WRN: variants seen among roughly 807,000 people sequenced by gnomAD.
WRN encodes WRN RecQ like helicase, also known as bifunctional 3'-5' exonuclease/ATP-dependent helicase WRN.
WRN carries 149 observed loss-of-function variants against 180.7 expected under a neutral mutation model. The observed-to-expected ratio is 0.82, with a 90% CI of 0.72 to 0.94. The LOEUF (loss-of-function observed/expected upper bound fraction) is 0.94. Among genes scored for constraint, WRN ranks in the 40% least tolerant of loss-of-function variants. WRN has a pLI of 0.00. For missense variants in WRN, 1,661 were observed against 1,700.1 expected (o/e 0.98, Z 0.40); for synonymous variants, 548 against 568.9 (o/e 0.96, Z 0.52).
At chr8:31,100,296 A>G (rs907935797) in intron 17 of WRN, among the ~76,000 whole-genome samples, 4 of 152,174 alleles carry the variant, frequency 2.6e-5, no homozygotes, top group African/African-American at 4.8e-5. Flanking sequence ...TCTTCTTACT[A>G]CTTTGTGCAT....
In WRN at chr8:31,120,585, G is replaced by C. The variant is rs1423569093; in HGVS notation, c.2630+161G>C. On this transcript the variant is annotated intron_variant, in intron 21 of 34. Coordinates refer to ENST00000298139, the MANE Select transcript of WRN (RefSeq NM_000553.6). Reference sequence around the variant, plus strand: ...AAATAAAACCTCCCCAAATCCAGAGGACATGTAAGAAGAACATTTGTGGTA... The same window carrying C: ...AAATAAAACCTCCCCAAATCCAGAGCACATGTAAGAAGAACATTTGTGGTA... Among the ~76,000 whole-genome samples, 4 of 151,238 alleles carry C rather than the reference G, an allele frequency of 2.6e-5. 1 individual carries two copies. In the Admixed American group the frequency reaches 2.6e-4, roughly 10 times the overall value.
intron 1 of WRN, among the ~76,000 whole-genome samples, chr8:31,056,642 AC>A (rs1812286681): frequency 6.6e-6 from 1 of 152,290 alleles, no homozygotes; most frequent in Admixed American, 6.5e-5. Context: ...GCATTAGGAC[AC>A]GTTGTAGTTT....
At position 31,036,987 on chromosome 8, in the gene WRN, T is replaced by C. The variant is rs148727279; in HGVS notation, c.-77+3014T>C. On this transcript the variant is annotated intron_variant, in intron 1 of 34. Transcript: ENST00000298139. Reference sequence around the variant, plus strand: ...GGACTGGTTTCATCGAAGACAATTTTTCCATCCACAGGAGGGAGGGGATGG... The same window carrying C: ...GGACTGGTTTCATCGAAGACAATTTCTCCATCCACAGGAGGGAGGGGATGG... 2.2e-4 allele frequency among the ~76,000 whole-genome samples: 33 copies of C among 152,344 alleles called. No homozygotes were observed. The Middle Eastern group carries it at 0.01, about 47-fold the overall frequency.
chr8:31,071,561 A>G (rs908553933), intron 7 of WRN, among the ~76,000 whole-genome samples: 4 of 152,078 alleles, frequency 2.6e-5, no homozygotes, highest in African/African-American at 9.7e-5. Context: ...GGCTTACCGC[A>G]GCTTCCACCT....
At chr8:31,145,206 A>C (rs1802811337) in intron 28 of WRN, among the ~76,000 whole-genome samples, 1 of 152,220 alleles carries the variant, frequency 6.6e-6, no homozygotes, top group Non-Finnish European at 1.5e-5. Flanking sequence ...CCAGAAGAAG[A>C]AGCTGTCTAG....
intron 23 of WRN, among the ~76,000 whole-genome samples, chr8:31,129,878 G>A (rs1437130434): frequency 3.3e-5 from 5 of 151,768 alleles, no homozygotes; most frequent in Non-Finnish European, 7.4e-5. Flanking sequence ...GGTGGCACGC[G>A]CCTGTAGTCC....
At chr8:31,065,269 A>G (rs1310941196) in intron 5 of WRN, among the ~76,000 whole-genome samples, 1 of 152,118 alleles carries the variant, frequency 6.6e-6, no homozygotes, top group Non-Finnish European at 1.5e-5. Flanking sequence ...ATCGGGGTAC[A>G]TGTGCATGTT....
chr8:31,091,890 T>C lies in WRN; in HGVS notation c.1890T>C (p.Asp630=). 3 of 1,613,022 alleles carry C rather than the reference T, an allele frequency of 1.9e-6. No individual in the cohort carries two copies. The highest frequency in any genetic ancestry group is 2.5e-6 in the Non-Finnish European group (3 of 1,179,260). The change falls in exon 16 of 35, where the codon GAT becomes GAC. Residue 630 remains aspartate, a synonymous_variant. Transcript: ENST00000298139. The stretch of plus-strand genomic sequence containing the variant: ...CACAGTCAGAAAATGTTCTAACAGA[T>C]ATTAAATTGTGAGTAATTTTTTTCC... ...GSAQSENVLT[D]IKLGKYRIVY...
At chr8:31,119,621 G>C (rs1164199095) in intron 20 of WRN, among the ~76,000 whole-genome samples, 1 of 151,656 alleles carries the variant, frequency 6.6e-6, no homozygotes. Context: ...TGCTTTTTAT[G>C]ATCTCTGAGC....
At chr8:31,154,902 A>ATGTTGT in intron 32 of WRN, 147 bp downstream of exon 32, 1 of 1,151,540 alleles carries the variant, frequency 8.7e-7, no homozygotes, top group African/African-American at 1.6e-5. Flanking sequence ...TTAAAAGAGA[A>ATGTTGT]TGTTGTTTTC....
At chr8:31,140,909 C>A (rs910324884) in intron 24 of WRN, among the ~76,000 whole-genome samples, 1 of 152,122 alleles carries the variant, frequency 6.6e-6, no homozygotes, top group African/African-American at 2.4e-5. Flanking sequence ...GTGCCCGCCA[C>A]AACACCTGGC....
At position 31,033,961 on chromosome 8, in the gene WRN, G is replaced by T. The variant is rs1811342140; in HGVS notation, c.-89G>T. The T allele has an allele frequency of 6.6e-6, 1 of 152,334 alleles. No individual in the cohort carries two copies. The highest frequency in any genetic ancestry group is 2.4e-5 in the African/African-American group (1 of 41,452). 9.4% of individuals were successfully genotyped at this position (152,334 alleles called of 1,614,324 possible). ...CCGGCTGAAGAAGACCTGTTGGACT[G>T]GATCTTCTCGGGGTAAAGTGTCTTC... is the stretch of plus-strand genomic sequence containing the variant. On this transcript the variant is annotated 5_prime_UTR_variant, in exon 1 of 35. Coordinates refer to ENST00000298139, the MANE Select transcript of WRN (RefSeq NM_000553.6).
At chr8:31,149,228 T>C (rs893588592) in intron 30 of WRN, among the ~76,000 whole-genome samples, 1 of 151,634 alleles carries the variant, frequency 6.6e-6, no homozygotes, top group African/African-American at 2.4e-5. Flanking sequence ...AAACCCCGTT[T>C]CTACTAAAAA....
At chr8:31,035,913 C>T (rs1420352698) in intron 1 of WRN, among the ~76,000 whole-genome samples, 1 of 152,154 alleles carries the variant, frequency 6.6e-6, no homozygotes, top group Non-Finnish European at 1.5e-5. Context: ...GCTTTCCTAG[C>T]AATCACTTAC....
intron 11 of WRN, among the ~76,000 whole-genome samples, chr8:31,087,057 T>C (rs1563342454): frequency 6.8e-6 from 1 of 148,044 alleles, no homozygotes; most frequent in African/African-American, 2.6e-5. Context: ...ATACTTTTTT[T>C]TAAAAAAAAA....
At chr8:31,126,990 C>G (rs1250360368) in intron 23 of WRN, among the ~76,000 whole-genome samples, 1 of 152,102 alleles carries the variant, frequency 6.6e-6, no homozygotes, top group Admixed American at 6.5e-5. Flanking sequence ...TGAAATGGAT[C>G]AATTTCTTGA....
intron 1 of WRN, among the ~76,000 whole-genome samples, chr8:31,057,607 C>T (rs968182791): frequency 6.6e-6 from 1 of 152,030 alleles, no homozygotes; most frequent in Non-Finnish European, 1.5e-5. Flanking sequence ...CTGCTACCTC[C>T]TTATTACAAA....
chr8:31,132,264 T>G (rs1802208598), intron 23 of WRN, 101 bp from the exon 24 acceptor site: 25 of 1,412,930 alleles, frequency 1.8e-5, no homozygotes, highest in Non-Finnish European at 2.3e-5. Flanking sequence ...TTGGCACATT[T>G]GAGATATTTT....
intron 20 of WRN, among the ~76,000 whole-genome samples, chr8:31,116,949 T>C: frequency 6.6e-6 from 1 of 152,076 alleles, no homozygotes; most frequent in African/African-American, 2.4e-5. Flanking sequence ...TGGTATGGAA[T>C]GGTTGGAGGG....
Sources: gnomAD v4.1 joint callset for allele counts (sites outside exome capture counted in the v4.1 genomes callset) on GRCh38, gnomAD v4.1.1 for gene constraint, MANE v1.5 for transcripts, NCBI Gene and HGNC (gene_info 2026-07-23, HGNC 2026-07-21) for gene names.